CSMD1: variants seen among roughly 807,000 people sequenced by gnomAD.
CSMD1 encodes CUB and Sushi multiple domains 1.
In CSMD1, 213 loss-of-function variants were observed where a neutral mutation model predicts 417.5. The observed-to-expected ratio is 0.51, with a 90% CI of 0.46 to 0.57. CSMD1 has a LOEUF of 0.57. CSMD1 is among the 20% of genes least tolerant of loss of function. CSMD1 has a pLI of 0.00. For synonymous variants in CSMD1, 2,862 were observed against 1,736.8 expected (o/e 1.65, Z -16.11); for missense variants, 6,923 against 4,529.7 (o/e 1.53, Z -15.17).
intron 26 of CSMD1, among the ~76,000 whole-genome samples, chr8:3,269,991 A>G (rs6990851): frequency 0.27 from 40,561 of 151,208 alleles, 5,702 homozygotes; most frequent in African/African-American, 0.34. Flanking sequence ...ATGGCCATCA[A>G]CATGCACGTA....
At chr8:4,782,616 C>G (rs908050799) in intron 1 of CSMD1, among the ~76,000 whole-genome samples, 2 of 152,096 alleles carry the variant, frequency 1.3e-5, no homozygotes, top group Non-Finnish European at 2.9e-5. Context: ...AAAATAAACT[C>G]TGCATGTACA....
intron 8 of CSMD1, among the ~76,000 whole-genome samples, chr8:3,591,003 G>C (rs1190615074): frequency 1.3e-5 from 2 of 152,080 alleles, no homozygotes; most frequent in African/African-American, 2.4e-5. Flanking sequence ...TGGTTTTCTG[G>C]AAAGAAGTCT....
At chr8:3,474,967 C>T (rs1037912824) in intron 11 of CSMD1, among the ~76,000 whole-genome samples, 1 of 151,818 alleles carries the variant, frequency 6.6e-6, no homozygotes, top group African/African-American at 2.4e-5. Flanking sequence ...GCCTTTTTTG[C>T]CCCCAAGCCC....
At chr8:4,776,509 A>G (rs1266198707) in intron 1 of CSMD1, among the ~76,000 whole-genome samples, 1 of 152,144 alleles carries the variant, frequency 6.6e-6, no homozygotes, top group Non-Finnish European at 1.5e-5. Context: ...ACAGCGTCTC[A>G]GGGCCCCATA....
intron 1 of CSMD1, among the ~76,000 whole-genome samples, chr8:4,779,983 T>C (rs951021045): frequency 2.0e-5 from 3 of 152,170 alleles, no homozygotes; most frequent in African/African-American, 7.2e-5. Flanking sequence ...TCTTGGCTTT[T>C]CAGCAAACAT....
intron 14 of CSMD1, among the ~76,000 whole-genome samples, chr8:3,407,544 T>C (rs1379471891): frequency 2.0e-5 from 3 of 150,970 alleles, no homozygotes; most frequent in Non-Finnish European, 2.9e-5. Context: ...GATGGATGAA[T>C]GGAAGAATAG....
intron 4 of CSMD1, among the ~76,000 whole-genome samples, chr8:4,029,092 T>A (rs1797211380): frequency 6.6e-6 from 1 of 152,046 alleles, no homozygotes; most frequent in African/African-American, 2.4e-5. Context: ...AATATACACA[T>A]TAAATGGTCA....
At position 4,292,519 on chromosome 8, in the gene CSMD1, T is replaced by C. The variant is rs555037307; in HGVS notation, c.415+127434A>G. On this transcript the variant is annotated intron_variant, in intron 3 of 69. Coordinates refer to ENST00000635120, the MANE Select transcript of CSMD1 (RefSeq NM_033225.6). ...TGCCTGCCTTGGCCTCCCCGAGTGCTGGGATTACAGCCCAGGCGTGAGCCA... is the reference window on the plus strand; with the variant it reads ...TGCCTGCCTTGGCCTCCCCGAGTGCCGGGATTACAGCCCAGGCGTGAGCCA... Among the ~76,000 whole-genome samples the C allele has an allele frequency of 7.9e-5, 12 of 152,270 alleles. 1 individual carries two copies. Among genetic ancestry groups the C allele is most frequent in the African/African-American group, 2.9e-4 (12 of 41,552 alleles).
chr8:3,083,648 ATTTTTTTTTTTTTTTTTT>A (rs34049524), intron 49 of CSMD1, among the ~76,000 whole-genome samples: 31 of 13,544 alleles, frequency 2.3e-3, no homozygotes, highest in African/African-American at 5.0e-3. Flanking sequence ...ATATATATAT[ATTTTTTTTTTTTTTTTTT>A]TTTTTTTTTT....
intron 3 of CSMD1, among the ~76,000 whole-genome samples, chr8:4,119,002 A>G (rs1802321085): frequency 6.6e-6 from 1 of 152,178 alleles, no homozygotes; most frequent in African/African-American, 2.4e-5. Flanking sequence ...CGGCAAACCA[A>G]ACACCACATG....
At chr8:2,951,063 C>G (rs746417840) in intron 66 of CSMD1, 51 bp downstream of exon 66, 1 of 1,555,100 alleles carries the variant, frequency 6.4e-7, no homozygotes, top group Non-Finnish European at 8.7e-7. Flanking sequence ...GAAAAGATAA[C>G]AGGTCTATTT....
At chr8:4,371,439 G>C (rs13279504) in intron 3 of CSMD1, among the ~76,000 whole-genome samples, 1 of 152,130 alleles carries the variant, frequency 6.6e-6, no homozygotes, top group Non-Finnish European at 1.5e-5. Context: ...TTTTAAGGAG[G>C]AAATGGAGCA....
At chr8:3,900,402 G>A (rs77380369) in intron 5 of CSMD1, among the ~76,000 whole-genome samples, 1 of 151,800 alleles carries the variant, frequency 6.6e-6, no homozygotes, top group African/African-American at 2.4e-5. Flanking sequence ...AGTATAGGTG[G>A]GTGACAGGGC....
At chr8:4,384,205 C>T (rs994152786) in intron 3 of CSMD1, among the ~76,000 whole-genome samples, 1 of 152,134 alleles carries the variant, frequency 6.6e-6, no homozygotes, top group African/African-American at 2.4e-5. Flanking sequence ...AGAATCACCA[C>T]ACTCCTATGA....
chr8:3,900,179 T>G (rs890237561), intron 5 of CSMD1, among the ~76,000 whole-genome samples: 5 of 151,116 alleles, frequency 3.3e-5, no homozygotes, highest in Non-Finnish European at 5.9e-5. Flanking sequence ...GGTGACAGTG[T>G]AGCTGGGTAA....
chr8:4,395,662 G>A (rs1804153093), intron 3 of CSMD1, among the ~76,000 whole-genome samples: 1 of 151,962 alleles, frequency 6.6e-6, no homozygotes, highest in African/African-American at 2.4e-5. Context: ...ATAAGACTCT[G>A]TTCCAAAAGC....
chr8:3,080,015 T>A lies in CSMD1; in HGVS notation c.7474+7082A>T, dbSNP rs969940560. On this transcript the variant is annotated intron_variant, in intron 49 of 69. Transcript: ENST00000635120. The stretch of plus-strand genomic sequence containing the variant: ...CTTTAAAAACAGAAGCTTAATCATG[T>A]AATTTGTGAGAAAGACTGTTTTTTG... Among the ~76,000 whole-genome samples, 5 of 152,202 alleles carry A rather than the reference T, an allele frequency of 3.3e-5. No individual in the cohort carries two copies. The South Asian group carries it at 1.0e-3, about 32-fold the overall frequency.
intron 59 of CSMD1, 86 bp from the exon 60 acceptor site, chr8:2,963,481 T>A: frequency 7.2e-7 from 1 of 1,382,108 alleles, no homozygotes; most frequent in Non-Finnish European, 1.0e-6. Context: ...TAATTTTACC[T>A]GAATTACAAA....
intron 11 of CSMD1, among the ~76,000 whole-genome samples, chr8:3,479,987 A>C (rs996208498): frequency 6.6e-6 from 1 of 152,232 alleles, no homozygotes; most frequent in Non-Finnish European, 1.5e-5. Flanking sequence ...TTAAAATTGA[A>C]ATGAGCAATA....
Sources: gnomAD v4.1 joint callset for allele counts (sites outside exome capture counted in the v4.1 genomes callset) on GRCh38, gnomAD v4.1.1 for gene constraint, MANE v1.5 for transcripts, NCBI Gene and HGNC (gene_info 2026-07-23, HGNC 2026-07-21) for gene names.